RASA4: variants seen among roughly 807,000 people sequenced by gnomAD.
RASA4 encodes the protein ras GTPase-activating protein 4.
A neutral mutation model predicts 24.0 loss-of-function variants in RASA4; 5 were observed. The ratio of observed to expected loss-of-function variants is 0.21; its 90% CI spans 0.11 to 0.44. The LOEUF (loss-of-function observed/expected upper bound fraction) is 0.44, where lower values mean the gene tolerates loss of function less well. Ranked by LOEUF, RASA4 falls within the 20% of genes least tolerant of loss-of-function variation. The pLI is 0.99. For synonymous variants in RASA4, 9 were observed against 132.7 expected (o/e 0.07, Z 6.41); for missense variants, 38 against 293.0 (o/e 0.13, Z 6.35).
chr7:102,606,293 T>A (rs1388497643), intron 4 of RASA4: 1 of 343,618 alleles, frequency 2.9e-6, no homozygotes, highest in South Asian at 3.0e-5. Context: ...TGGTGGCGCA[T>A]GCCTGTAATC....
At chr7:102,608,276 TA>T (rs1554347305) in intron 4 of RASA4, among the ~76,000 whole-genome samples, 90 of 63,546 alleles carry the variant, frequency 1.4e-3, no homozygotes, top group African/African-American at 5.5e-3. Flanking sequence ...GCCTTTTTTT[TA>T]AAAAAAAACT....
At chr7:102,603,169 C>T (rs1288607602) in intron 5 of RASA4, among the ~76,000 whole-genome samples, 3 of 139,606 alleles carry the variant, frequency 2.1e-5, no homozygotes, top group South Asian at 2.4e-4. Context: ...CCAGGTTGGC[C>T]AGGCTGCCGT....
chr7:102,595,400 C>T lies in RASA4; in HGVS notation c.1007-31G>A, dbSNP rs373010155. ...AACAGAGGTCCCAGTGGGTAGGGGG[C>T]TGGCACAAAGCTTTTGGGGGAGGGG... is the stretch of plus-strand genomic sequence containing the variant. On this transcript the variant is annotated intron_variant, in intron 10 of 20. Transcript: ENST00000262940. 5,305 of 1,340,970 alleles carry T rather than the reference C, an allele frequency of 4.0e-3. 15 individuals are homozygous for T. The African/African-American group carries it at 0.08, about 20-fold the overall frequency. 83.1% of individuals were successfully genotyped at this position (1,340,970 alleles called of 1,614,324 possible). A position where few individuals can be genotyped will look rare whatever the true frequency, so the allele number is the denominator to read the frequency against.
Position 102,605,979 on chromosome 7 carries a change from C to T in RASA4, c.307G>A (p.Gly103Arg), listed in dbSNP as rs781407757. ...TIASHPKGFS[G>R]WAHLTEVDPD... Reference sequence around the variant, plus strand: ...TCGACCTCCGTCAGGTGGGCCCACCCGCTGAAACCTGTGGGGTCAGCTCAG... The same window carrying T: ...TCGACCTCCGTCAGGTGGGCCCACCTGCTGAAACCTGTGGGGTCAGCTCAG... The change falls in exon 5 of 21, where the codon GGG becomes AGG. Residue 103 changes from glycine to arginine, a missense_variant. Coordinates refer to ENST00000262940, the MANE Select transcript of RASA4 (RefSeq NM_006989.6). 4.3e-5 allele frequency: 70 copies of T among 1,609,824 alleles called. No individual in the cohort carries two copies. The highest frequency in any genetic ancestry group is 5.4e-5 in the Non-Finnish European group (64 of 1,179,130).
chr7:102,595,987 T>TA, intron 9 of RASA4, 25 bp downstream of exon 9: 1 of 575,064 alleles, frequency 1.7e-6, no homozygotes, highest in Non-Finnish European at 3.3e-6. Context: ...CACTGGACCC[T>TA]CCCACCCTGC....
At chr7:102,602,610 A>AC (rs1790398858) in intron 5 of RASA4, among the ~76,000 whole-genome samples, 1 of 67,356 alleles carries the variant, frequency 1.5e-5, no homozygotes. Context: ...GTGGCCAAGA[A>AC]CCCCCCAAGG....
In RASA4 at chr7:102,579,706, A is replaced by G. The variant is rs1274731161; in HGVS notation, c.*3065T>C. 1 of 243,576 alleles carries G rather than the reference A, an allele frequency of 4.1e-6. No homozygotes were observed. The highest frequency in any genetic ancestry group is 3.4e-5 in the African/African-American group (1 of 29,576). The allele number at this position is 243,576 out of a possible 1,614,324, so 15.1% of individuals were successfully genotyped here. On this transcript the variant is annotated 3_prime_UTR_variant, in exon 21 of 21. Transcript: ENST00000262940. ...AAAGATATACAAAGATAGACTATGC[A>G]GGATAATGAGCCCCCACATACTCCG...
At chr7:102,610,535 G>A (rs1225472852) in intron 2 of RASA4, among the ~76,000 whole-genome samples, 5 of 148,388 alleles carry the variant, frequency 3.4e-5, no homozygotes, top group East Asian at 2.0e-4. Context: ...GCCCAGCCTC[G>A]AGGGATATTA....
chr7:102,590,909 T>C (rs1266606200), intron 16 of RASA4, among the ~76,000 whole-genome samples: 1 of 139,176 alleles, frequency 7.2e-6, no homozygotes, highest in East Asian at 2.1e-4. Context: ...CATTGCACTC[T>C]GGCCTGGGCA....
At chr7:102,603,692 T>C (rs1415172991) in intron 5 of RASA4, among the ~76,000 whole-genome samples, 1 of 152,276 alleles carries the variant, frequency 6.6e-6, no homozygotes, top group East Asian at 1.9e-4. Flanking sequence ...ACATTGAGGC[T>C]GGGTGCAGCG....
intron 16 of RASA4, among the ~76,000 whole-genome samples, chr7:102,591,614 C>T (rs1202842636): frequency 3.4e-3 from 444 of 132,126 alleles, no homozygotes; most frequent in Middle Eastern, 7.3e-3. Context: ...AGATCCCTTC[C>T]CACGCCAAGA....
intron 1 of RASA4, chr7:102,612,169 A>AGGACAGGACG (rs1554347712): frequency 6.3e-6 from 1 of 159,130 alleles, no homozygotes; most frequent in Non-Finnish European, 1.4e-5. Context: ...CCCTCGCCCC[A>AGGACAGGACG]GGACGGGACG....
At chr7:102,606,395 C>CAAAAA (rs555519087) in intron 4 of RASA4, among the ~76,000 whole-genome samples, 100 of 55,448 alleles carry the variant, frequency 1.8e-3, no homozygotes, top group African/African-American at 2.0e-3. Flanking sequence ...GACCCCATCT[C>CAAAAA]AAAAAAAAAA....
At chr7:102,596,291 C>T (rs1292532588) in intron 8 of RASA4, among the ~76,000 whole-genome samples, 162 bp from the exon 9 acceptor site, 39 of 147,084 alleles carry the variant, frequency 2.7e-4, no homozygotes, top group Middle Eastern at 7.0e-3. Context: ...AGGCTCTGCC[C>T]GGGCTATTTA....
intron 8 of RASA4, among the ~76,000 whole-genome samples, chr7:102,597,671 G>T (rs553548885): frequency 1.4e-5 from 2 of 141,946 alleles, no homozygotes; most frequent in African/African-American, 4.9e-5. Flanking sequence ...TGATCCACCC[G>T]CCTCGGCCAC....
chr7:102,598,430 C>A, intron 8 of RASA4, among the ~76,000 whole-genome samples: 1 of 101,748 alleles, frequency 9.8e-6, no homozygotes, highest in African/African-American at 3.5e-5. Context: ...TTTTTTGAGA[C>A]AGAGTCTAGC....
intron 2 of RASA4, among the ~76,000 whole-genome samples, chr7:102,610,847 T>C (rs1790815983): frequency 7.3e-6 from 1 of 136,754 alleles, no homozygotes; most frequent in Non-Finnish European, 1.6e-5. Context: ...GTTGTGATGA[T>C]TGCAAAGATG....
intron 8 of RASA4, 100 bp downstream of exon 8, chr7:102,599,760 A>T (rs1300390941): frequency 7.7e-6 from 1 of 130,158 alleles, no homozygotes; most frequent in Non-Finnish European, 1.6e-5. Context: ...CTGACCTCTC[A>T]CCCTGAGCAG....
At chr7:102,587,100 C>A (rs1449680517) in intron 18 of RASA4, among the ~76,000 whole-genome samples, 262 of 548 alleles carry the variant, frequency 0.48, 2 homozygotes, top group Non-Finnish European at 0.5. Flanking sequence ...CAGTATCAAA[C>A]AACAACAACA....
Sources: gnomAD v4.1 joint callset for allele counts (sites outside exome capture counted in the v4.1 genomes callset) on GRCh38, gnomAD v4.1.1 for gene constraint, MANE v1.5 for transcripts, NCBI Gene and HGNC (gene_info 2026-07-23, HGNC 2026-07-21) for gene names.